CIT: variants seen among roughly 807,000 people sequenced by gnomAD.
The protein encoded by CIT is citron rho-interacting serine/threonine kinase.
A neutral mutation model predicts 272.7 loss-of-function variants in CIT; 79 were observed. The ratio of observed to expected loss-of-function variants is 0.29; its 90% CI spans 0.24 to 0.35. The LOEUF (loss-of-function observed/expected upper bound fraction) is 0.35. Among genes scored for constraint, CIT ranks in the 10% least tolerant of loss-of-function variants. CIT has a pLI of 1.00. For synonymous variants in CIT, 948 were observed against 995.6 expected (o/e 0.95, Z 0.90); for missense variants, 1,909 against 2,618.3 (o/e 0.73, Z 5.91).
intron 5 of CIT, among the ~76,000 whole-genome samples, chr12:119,836,284 T>TAAAAAAAAAAAAAAAAA (rs201559880): frequency 4.7e-5 from 2 of 42,260 alleles, no homozygotes; most frequent in African/African-American, 2.0e-4. Flanking sequence ...AGACTCCATC[T>TAAAAAAAAAAAAAAAAA]AAAAAAAAAA....
chr12:119,699,944 T>C (rs973404738), intron 44 of CIT: 3 of 455,388 alleles, frequency 6.6e-6, no homozygotes, highest in African/African-American at 6.0e-5. Context: ...TAGTCTTTGA[T>C]CCAACAGTTC....
intron 10 of CIT, among the ~76,000 whole-genome samples, chr12:119,799,333 A>G (rs1036045709): frequency 1.3e-5 from 2 of 152,184 alleles, no homozygotes; most frequent in Admixed American, 1.3e-4. Flanking sequence ...TATTTCATCC[A>G]TCCCCGCAAA....
rs552402109 is a variant in CIT, at chr12:119,763,652, A to G, written c.2305-2597T>C. ...TAGATTCTCCAAGAAAGGACCACTC[A>G]ATTCTTTGAGAATACCAACCAAATC... On this transcript the variant is annotated intron_variant, in intron 19 of 47. Transcript: ENST00000392521. 2.6e-5 allele frequency among the ~76,000 whole-genome samples: 4 copies of G among 152,344 alleles called. No individual in the cohort carries two copies. In the East Asian group the frequency reaches 7.7e-4, roughly 29 times the overall value.
chr12:119,833,788 A>G (rs533109236), intron 6 of CIT, among the ~76,000 whole-genome samples: 15 of 152,172 alleles, frequency 9.9e-5, no homozygotes, highest in Admixed American at 8.5e-4. Flanking sequence ...CAGTTCTTCT[A>G]TCATATAACC....
At position 119,832,828 on chromosome 12, in the gene CIT, T is replaced by C; in HGVS notation, c.696A>G (p.Thr232=). The C allele has an allele frequency of 6.2e-7, 1 of 1,614,174 alleles. No individual in the cohort carries two copies. The highest frequency in any genetic ancestry group is 8.5e-7 in the Non-Finnish European group (1 of 1,179,992). The change falls in exon 7 of 48, where the codon ACA becomes ACG. Residue 232 remains threonine, a synonymous_variant. Transcript: ENST00000392521. ...IKPENILVDR[T]GHIKLVDFGS... is the part of the protein sequence containing the mutation. ...CAAAATCCACCAGCTTGATGTGTCC[T>C]GTGCGGTCAACGAGAATGTTCTCAG...
At chr12:119,757,686 C>A in intron 21 of CIT, 141 bp from the exon 22 acceptor site, 1 of 1,037,976 alleles carries the variant, frequency 9.6e-7, no homozygotes, top group South Asian at 1.6e-5. Context: ...TAGCTGTCTC[C>A]TGATCTGGCC....
chr12:119,780,320 T>A (rs28616816), intron 13 of CIT, among the ~76,000 whole-genome samples: 16 of 152,152 alleles, frequency 1.1e-4, no homozygotes, highest in East Asian at 7.7e-4. Context: ...AAATATTTTT[T>A]AAAAAAATGA....
intron 25 of CIT, 21 bp downstream of exon 25, chr12:119,735,139 G>A (rs377311504): frequency 1.7e-5 from 28 of 1,610,966 alleles, no homozygotes; most frequent in African/African-American, 1.2e-4. Flanking sequence ...GGGATCTCAC[G>A]ACCTTGTTAA....
rs1339638618 is a variant in CIT at position 119,710,557 on chromosome 12, G to C, written c.4918C>G (p.Leu1640Val). Residue 1640 changes from leucine (L) to valine (V), a missense_variant, in exon 38 of 48, where the codon CTG becomes GTG. By Grantham distance (32) the Leu-to-Val change is conservative (BLOSUM62 1). This residue lies in a region of CIT where 780 missense variants were observed against 1,067.2 expected (regional missense o/e 0.73). Coordinates refer to ENST00000392521, the MANE Select transcript of CIT (RefSeq NM_001206999.2). The surrounding 1 kb of genome is among the most constrained non-coding windows in gnomAD (Gnocchi z 5.6). ...AGCATTACCTGGTCACTGAAGGGCAGCGTGCAGTTCATGTCTAGACGGTCA... is the reference window on the plus strand; with the variant it reads ...AGCATTACCTGGTCACTGAAGGGCACCGTGCAGTTCATGTCTAGACGGTCA... Reference protein sequence around the residue: ...GDDRLDMNCTLPFSDQVVLVG... With the variant: ...GDDRLDMNCTVPFSDQVVLVG... The C allele has an allele frequency of 2.5e-6, 4 of 1,614,242 alleles. No homozygotes were observed. Among genetic ancestry groups the C allele is most frequent in the Non-Finnish European group, 3.4e-6 (4 of 1,180,046 alleles).
chr12:119,727,094 T>C (rs1457257080), intron 28 of CIT, among the ~76,000 whole-genome samples: 1 of 152,188 alleles, frequency 6.6e-6, no homozygotes, highest in Non-Finnish European at 1.5e-5. Context: ...TAAAGAACAA[T>C]TTAACTCAAT....
At position 119,778,871 on chromosome 12, in the gene CIT, A is replaced by G. The variant is rs139741342; in HGVS notation, c.1666-2029T>C. Among the ~76,000 whole-genome samples, 68 of 152,338 alleles carry G rather than the reference A, an allele frequency of 4.5e-4. No individual in the cohort carries two copies. The South Asian group carries it at 8.3e-3, about 19-fold the overall frequency. Reference sequence around the variant, plus strand: ...GTTTCCTGGGTCATGCATACTAAGCAGGCAATGCTGGATTATATAACCAAA... The same window carrying G: ...GTTTCCTGGGTCATGCATACTAAGCGGGCAATGCTGGATTATATAACCAAA... On this transcript the variant is annotated intron_variant, in intron 13 of 47. Coordinates refer to ENST00000392521, the MANE Select transcript of CIT (RefSeq NM_001206999.2).
At chr12:119,752,007 C>A in intron 23 of CIT, 43 bp downstream of exon 23, 1 of 1,562,370 alleles carries the variant, frequency 6.4e-7, no homozygotes, top group African/African-American at 1.3e-5. Flanking sequence ...CTCATCCTAG[C>A]TGAGGCCTTT....
Position 119,688,268 on chromosome 12 carries a change from T to C in CIT, c.6187-13A>G. ...ACTGGTCCCAGACCTAGGAGTGAAATAAGGAGGAGTGTTAGCCATCCGAGG... is the reference window on the plus strand; with the variant it reads ...ACTGGTCCCAGACCTAGGAGTGAAACAAGGAGGAGTGTTAGCCATCCGAGG... On this transcript the variant is annotated splice_polypyrimidine_tract_variant and intron_variant, in intron 47 of 47. Transcript: ENST00000392521. 1 of 1,558,804 alleles carries C rather than the reference T, an allele frequency of 6.4e-7. No homozygotes were observed. The highest frequency in any genetic ancestry group is 8.7e-7 in the Non-Finnish European group (1 of 1,146,358).
chr12:119,773,136 C>T (rs1167745745), intron 16 of CIT, among the ~76,000 whole-genome samples: 3 of 151,774 alleles, frequency 2.0e-5, no homozygotes, highest in Non-Finnish European at 4.4e-5. Flanking sequence ...TTCTAAGGTG[C>T]ACTTTTTTTA....
In CIT at chr12:119,712,259, A is replaced by G. The variant is rs758136197; in HGVS notation, c.4773T>C (p.Pro1591=). 1 of 1,614,178 alleles carries G rather than the reference A, an allele frequency of 6.2e-7. No homozygotes were observed. Among genetic ancestry groups the G allele is most frequent in the Non-Finnish European group, 8.5e-7 (1 of 1,180,002 alleles). Reference sequence around the variant, plus strand: ...AGGCGGTGACCCAGCGCTGTTTGTCAGGGAAGCTGGGAGCTAGCAAGTAGA... The same window carrying G: ...AGGCGGTGACCCAGCGCTGTTTGTCGGGGAAGCTGGGAGCTAGCAAGTAGA... The part of the protein sequence containing the change: ...RTLYLLAPSF[P]DKQRWVTALE... Residue 1591 remains proline (P), a synonymous_variant, in exon 37 of 48, where the codon CCT becomes CCC. Transcript: ENST00000392521. The surrounding 1 kb of genome is among the most constrained non-coding windows in gnomAD (Gnocchi z 5.2).
rs758358701 is a variant in CIT at position 119,701,706 on chromosome 12, G to A, written c.5460C>T (p.Ala1820=). ...NDHSLAPAVF[A]ASSNSFPVSI... ...AGACAGGGAAGCTGTTGGAAGAGGC[G>A]GCAAACACAGCAGGTGCCAAGGAAT... The change falls in exon 43 of 48, where the codon GCC becomes GCT. Residue 1820 remains alanine (A), a synonymous_variant. Coordinates refer to ENST00000392521, the MANE Select transcript of CIT (RefSeq NM_001206999.2). The A allele has an allele frequency of 3.1e-5, 50 of 1,614,104 alleles. No individual in the cohort carries two copies. In the Admixed American group the frequency reaches 4.2e-4, roughly 13 times the overall value.
In CIT at chr12:119,840,484, T is replaced by TA. The variant is rs201807633; in HGVS notation, c.517-6257dup. Among the ~76,000 whole-genome samples the TA allele has an allele frequency of 3.4e-3, 517 of 150,388 alleles. 2 individuals carry two copies. Among genetic ancestry groups the TA allele is most frequent in the African/African-American group, 0.011 (468 of 40,920 alleles). On this transcript the variant is annotated intron_variant, in intron 5 of 47. Coordinates refer to ENST00000392521, the MANE Select transcript of CIT (RefSeq NM_001206999.2). ...TGAAACATGCCTCAAAACACCAGAA[T>TA]AAAAAAAAACAACTATTTCAAAGGC...
At chr12:119,769,723 A>G (rs1258283704) in intron 18 of CIT, among the ~76,000 whole-genome samples, 1 of 152,228 alleles carries the variant, frequency 6.6e-6, no homozygotes, top group East Asian at 1.9e-4. Flanking sequence ...ATATATACAA[A>G]GACTGGGTGT....
chr12:119,718,386 G>A lies in CIT; in HGVS notation c.4027C>T (p.His1343Tyr), dbSNP rs1258512325. ...GTGGCTGGCGTGGATGGGTGTGGGTGGTCCGTTGCTTTGCGGTGGGCAGCT... is the reference window on the plus strand; with the variant it reads ...GTGGCTGGCGTGGATGGGTGTGGGTAGTCCGTTGCTTTGCGGTGGGCAGCT... ...EEAAHRKATD[H>Y]PHPSTPATAR... Residue 1343 changes from histidine to tyrosine, a missense_variant, in exon 32 of 48, where the codon CAC becomes TAC. Around this residue, in one of 8 missense-constraint regions of CIT, gnomAD observed 780 missense variants for 1,067.2 expected, o/e 0.73. Coordinates refer to ENST00000392521, the MANE Select transcript of CIT (RefSeq NM_001206999.2). This position sits in a 1 kb window ranked among gnomAD's most constrained non-coding sequence, Gnocchi z 4.8. The A allele has an allele frequency of 2.5e-6, 4 of 1,613,174 alleles. No homozygotes were observed. Among genetic ancestry groups the A allele is most frequent in the Non-Finnish European group, 3.4e-6 (4 of 1,179,624 alleles).
Sources: allele counts gnomAD v4.1 joint callset (sites outside exome capture counted in the v4.1 genomes callset), GRCh38; gene constraint gnomAD v4.1.1; regional missense constraint gnomAD v4.1.1; non-coding constraint Gnocchi (gnomAD v3.1); transcripts MANE v1.5; gene names NCBI Gene and HGNC (gene_info 2026-07-23, HGNC 2026-07-21).